CEP85L: variants seen among roughly 807,000 people sequenced by gnomAD.
CEP85L encodes the protein centrosomal protein of 85 kDa-like.
In CEP85L, 60 loss-of-function variants were observed where a neutral mutation model predicts 100.3. The observed-to-expected ratio is 0.60, with a 90% CI of 0.49 to 0.74. CEP85L has a LOEUF of 0.74. CEP85L is among the 30% of genes least tolerant of loss of function. The pLI is 0.00. For synonymous variants in CEP85L, 319 were observed against 322.7 expected (o/e 0.99, Z 0.12); for missense variants, 973 against 936.2 (o/e 1.04, Z -0.51).
intron 2 of CEP85L, among the ~76,000 whole-genome samples, chr6:118,608,327 C>T (rs1772377606): frequency 6.6e-6 from 1 of 152,108 alleles, no homozygotes; most frequent in African/African-American, 2.4e-5. Context: ...AACCCCATCT[C>T]TACTAAAAAT....
chr6:118,682,666 G>T (rs1776703976), intron 1 of CEP85L, among the ~76,000 whole-genome samples: 1 of 151,366 alleles, frequency 6.6e-6, no homozygotes, highest in African/African-American at 2.4e-5. Context: ...TATGCTTCAG[G>T]TAGAGGTAAG....
Position 118,691,018 on chromosome 6 carries a change from GGAAA to G in CEP85L, c.-28+19014_-28+19017del, listed in dbSNP as rs755235565. 1.5e-4 allele frequency among the ~76,000 whole-genome samples: 23 copies of G among 149,668 alleles called. No individual in the cohort carries two copies. In the East Asian group the frequency reaches 2.5e-3, roughly 17 times the overall value. ...TCTCAGGAAAAAAAAAAAGAAAGAA[GGAAA>G]GAAAGAAAGAGAAAGATAAAAAGAA... On this transcript the variant is annotated intron_variant, in intron 1 of 13. Transcript: ENST00000368488.
At chr6:118,699,587 T>C (rs1373812936) in intron 1 of CEP85L, among the ~76,000 whole-genome samples, 1 of 152,208 alleles carries the variant, frequency 6.6e-6, no homozygotes, top group Non-Finnish European at 1.5e-5. Flanking sequence ...TCTGTTTTTA[T>C]CTTTGTAACT....
At chr6:118,556,097 G>A (rs1043187014) in intron 3 of CEP85L, among the ~76,000 whole-genome samples, 1 of 152,136 alleles carries the variant, frequency 6.6e-6, no homozygotes, top group African/African-American at 2.4e-5. Context: ...TGTGAATAGT[G>A]CTGCAATGAA....
intron 2 of CEP85L, among the ~76,000 whole-genome samples, chr6:118,581,089 A>G (rs948476091): frequency 1.3e-5 from 2 of 152,198 alleles, no homozygotes; most frequent in African/African-American, 4.8e-5. Flanking sequence ...TTGCACTGCT[A>G]GAAATCAGGC....
chr6:118,547,571 A>T (rs571832457), intron 3 of CEP85L, among the ~76,000 whole-genome samples: 5 of 152,094 alleles, frequency 3.3e-5, no homozygotes, highest in African/African-American at 7.2e-5. Flanking sequence ...AATTGTTTTT[A>T]AAAAATCTTA....
In CEP85L at chr6:118,636,115, G is replaced by T. The variant is rs970992788; in HGVS notation, c.74-3504C>A. Among the ~76,000 whole-genome samples the T allele has an allele frequency of 5.9e-5, 9 of 152,320 alleles. No individual in the cohort carries two copies. In the South Asian group the frequency reaches 1.0e-3, roughly 18 times the overall value. ...ACAATAAAATGGATGTGGCTATGTT[G>T]TAATAAAACTTTATTTACAAAAACA... is the stretch of plus-strand genomic sequence containing the variant. On this transcript the variant is annotated intron_variant, in intron 1 of 12. Coordinates refer to ENST00000368491, the MANE Select transcript of CEP85L (RefSeq NM_001042475.3).
At chr6:118,659,964 A>AT (rs1775916906) in intron 1 of CEP85L, among the ~76,000 whole-genome samples, 1 of 152,232 alleles carries the variant, frequency 6.6e-6, no homozygotes. Context: ...TTACCACATA[A>AT]TTTTTTTAAA....
Position 118,557,414 on chromosome 6 carries a change from G to A in CEP85L, c.1020+8115C>T, listed in dbSNP as rs189510640. ...CAAGCTGTACCTTAAACCAAATACAGCAGGTCCTCAAATAACATCATTTCT... is the reference window on the plus strand; with the variant it reads ...CAAGCTGTACCTTAAACCAAATACAACAGGTCCTCAAATAACATCATTTCT... On this transcript the variant is annotated intron_variant, in intron 3 of 12. Coordinates refer to ENST00000368491, the MANE Select transcript of CEP85L (RefSeq NM_001042475.3). Among the ~76,000 whole-genome samples, 36 of 152,272 alleles carry A rather than the reference G, an allele frequency of 2.4e-4. No homozygotes were observed. The East Asian group carries it at 6.9e-3, about 29-fold the overall frequency.
At chr6:118,562,439 C>T (rs1047486508) in intron 3 of CEP85L, among the ~76,000 whole-genome samples, 1 of 152,078 alleles carries the variant, frequency 6.6e-6, no homozygotes, top group East Asian at 1.9e-4. Context: ...TCATTGCACA[C>T]TGCAGCCTTG....
At chr6:118,586,018 C>T (rs1229185856) in intron 2 of CEP85L, among the ~76,000 whole-genome samples, 2 of 152,110 alleles carry the variant, frequency 1.3e-5, no homozygotes, top group Admixed American at 1.3e-4. Context: ...TTCATCTATC[C>T]AAGTACCTTC....
At chr6:118,518,920 G>A (rs780000199) in intron 4 of CEP85L, among the ~76,000 whole-genome samples, 10 of 152,046 alleles carry the variant, frequency 6.6e-5, no homozygotes, top group East Asian at 3.8e-4. Flanking sequence ...CAGAGATTCC[G>A]GTACATTGTG....
intron 1 of CEP85L, among the ~76,000 whole-genome samples, chr6:118,683,269 A>C (rs897589625): frequency 6.6e-6 from 1 of 152,218 alleles, no homozygotes; most frequent in African/African-American, 2.4e-5. Context: ...TTCATCAGAC[A>C]GCTTTCTTTT....
In CEP85L at chr6:118,499,557, G is replaced by A. The variant is rs141183128; in HGVS notation, c.1258-7692C>T. Among the ~76,000 whole-genome samples the A allele has an allele frequency of 2.6e-3, 394 of 152,070 alleles. 1 individual carries two copies. The highest frequency in any genetic ancestry group is 9.1e-3 in the African/African-American group (376 of 41,506). On this transcript the variant is annotated intron_variant, in intron 5 of 12. Coordinates refer to ENST00000368491, the MANE Select transcript of CEP85L (RefSeq NM_001042475.3). ...CAGCCACCTGTAGTCCTAGCTACTC[G>A]GGAGGCTGAGGCAGGAGAATCACTT...
intron 2 of CEP85L, among the ~76,000 whole-genome samples, chr6:118,600,368 T>A (rs1041562775): frequency 8.2e-6 from 1 of 122,658 alleles, no homozygotes; most frequent in African/African-American, 3.2e-5. Context: ...TGTGTGTGTG[T>A]GTAACGCCAT....
intron 2 of CEP85L, among the ~76,000 whole-genome samples, chr6:118,623,328 C>T (rs936000856): frequency 2.0e-5 from 3 of 152,320 alleles, no homozygotes; most frequent in Middle Eastern, 3.4e-3. Flanking sequence ...ACTTGTTGGT[C>T]TATGTTGATA....
At chr6:118,471,529 A>G (rs1445010087) in intron 10 of CEP85L, among the ~76,000 whole-genome samples, 1 of 151,968 alleles carries the variant, frequency 6.6e-6, no homozygotes, top group African/African-American at 2.4e-5. Flanking sequence ...TCCTCACATT[A>G]TCTTTGGATG....
chr6:118,635,726 C>G (rs1286242383), intron 1 of CEP85L, among the ~76,000 whole-genome samples: 2 of 152,164 alleles, frequency 1.3e-5, no homozygotes, highest in Admixed American at 1.3e-4. Flanking sequence ...AGTATAAAGT[C>G]ATGCTCCATT....
chr6:118,669,141 A>G (rs1028788669), intron 1 of CEP85L, among the ~76,000 whole-genome samples: 4 of 152,234 alleles, frequency 2.6e-5, no homozygotes, highest in African/African-American at 9.6e-5. Context: ...ACAGAACACA[A>G]AAAGGGCTGT....
Sources: gnomAD v4.1 joint callset for allele counts (sites outside exome capture counted in the v4.1 genomes callset) on GRCh38, gnomAD v4.1.1 for gene constraint, MANE v1.5 for transcripts, NCBI Gene and HGNC (gene_info 2026-07-23, HGNC 2026-07-21) for gene names.